Variants in TTC21A observed in about 807,000 individuals in gnomAD.
TTC21A encodes tetratricopeptide repeat protein 21A.
Under a neutral mutation model 156.4 loss-of-function variants are expected in TTC21A, and 128 were observed. The ratio of observed to expected loss-of-function variants is 0.82; its 90% CI spans 0.71 to 0.95. The LOEUF is 0.95. Ranked by LOEUF, TTC21A falls within the 40% of genes least tolerant of loss-of-function variation. The pLI is 0.00. For missense variants in TTC21A, 1,435 were observed against 1,602.3 expected, an observed-to-expected ratio of 0.90 and a Z score of 1.78; for synonymous variants, 587 against 617.1, an observed-to-expected ratio of 0.95 and a Z score of 0.72.
intron 2 of TTC21A, 23 bp downstream of exon 2, chr3:39,109,237 C>CAG: frequency 6.2e-7 from 1 of 1,602,604 alleles, no homozygotes; most frequent in Non-Finnish European, 8.5e-7. Flanking sequence ...CAGTGTTGGT[C>CAG]TTGTGACCCC....
At chr3:39,114,310 T>C (rs573369352) in intron 5 of TTC21A, among the ~76,000 whole-genome samples, 1 of 152,308 alleles carries the variant, frequency 6.6e-6, no homozygotes, top group Admixed American at 6.5e-5. Flanking sequence ...CCTTACCCTA[T>C]CCCAGGCCTG....
Position 39,129,081 on chromosome 3 carries a change from AC to A in TTC21A, c.1908del (p.Lys637ArgfsTer28), listed in dbSNP as rs1559702319. The stretch of plus-strand genomic sequence containing the variant: ...GATTCCCATGTTTTAGCATGAGGCC[AC>A]CAAGGTCATGCAGGACACCATCAAT... ...LRLNGELHEA[T>X]KVMQDTINEF... is the part of the protein sequence containing the mutation. On this transcript the variant is annotated frameshift_variant, in exon 15 of 29. Coordinates refer to ENST00000683103, the MANE Select transcript of TTC21A (RefSeq NM_001366900.1). LOFTEE classifies it high-confidence loss of function. 4.3e-6 allele frequency: 7 copies of A among 1,614,202 alleles called. No individual in the cohort carries two copies. The South Asian group carries it at 7.7e-5, about 18-fold the overall frequency.
intron 6 of TTC21A, among the ~76,000 whole-genome samples, chr3:39,117,533 C>T (rs566496829): frequency 6.6e-6 from 1 of 152,332 alleles, no homozygotes; most frequent in African/African-American, 2.4e-5. Context: ...TTCTGGCCAC[C>T]TCCAGTCTCT....
rs1188685191 is a variant in TTC21A, at chr3:39,130,301, C to T, written c.2262C>T (p.Asp754=). ...YDEAYRQNPH[D]ASLASRIGHA... ...AGGCCTATAGACAGAACCCACATGA[C>T]GCCTCCCTGGCCAGCAGAATTGGGC... Residue 754 remains aspartate (D), a synonymous_variant, in exon 17 of 29, where the codon GAC becomes GAT. Coordinates refer to ENST00000683103, the MANE Select transcript of TTC21A (RefSeq NM_001366900.1). This position sits in a 1 kb window ranked among gnomAD's most constrained non-coding sequence, Gnocchi z 4.5. The T allele has an allele frequency of 6.2e-6, 10 of 1,613,948 alleles. No individual in the cohort carries two copies. Among genetic ancestry groups the T allele is most frequent in the Middle Eastern group, 3.3e-4 (2 of 6,060 alleles).
At chr3:39,121,227 G>A (rs368270092) in intron 9 of TTC21A, 38 bp downstream of exon 9, 24 of 1,575,084 alleles carry the variant, frequency 1.5e-5, no homozygotes, top group African/African-American at 5.4e-5. Context: ...GATGGGTGTC[G>A]GGAGCCAAAC....
intron 4 of TTC21A, among the ~76,000 whole-genome samples, chr3:39,112,178 C>T (rs2036890493): frequency 6.6e-6 from 1 of 152,204 alleles, no homozygotes. Flanking sequence ...GGAGGGAGGC[C>T]TCCTAAGCAG....
In TTC21A at chr3:39,134,211, G is replaced by A; in HGVS notation, c.2752-7G>A. The A allele has an allele frequency of 6.2e-7, 1 of 1,604,176 alleles. No homozygotes were observed. Among genetic ancestry groups the A allele is most frequent in the Non-Finnish European group, 8.5e-7 (1 of 1,171,066 alleles). On this transcript the variant is annotated splice_region_variant and splice_polypyrimidine_tract_variant and intron_variant, in intron 20 of 28. Coordinates refer to ENST00000683103, the MANE Select transcript of TTC21A (RefSeq NM_001366900.1). The surrounding 1 kb of genome is among the most constrained non-coding windows in gnomAD (Gnocchi z 4.6). ...TAGTTAGTTTATTATATCCGGCCTT[G>A]TCCCAGGTGATGCTGGAGCTGGCGC...
At position 39,134,141 on chromosome 3, in the gene TTC21A, A is replaced by G. The variant is rs953599802; in HGVS notation, c.2752-77A>G. 8 of 889,330 alleles carry G rather than the reference A, an allele frequency of 9.0e-6. No homozygotes were observed. The East Asian group carries it at 1.9e-4, about 22-fold the overall frequency. The allele number at this position is 889,330 out of a possible 1,614,324, so 55.1% of individuals were successfully genotyped here. A position where few individuals can be genotyped will look rare whatever the true frequency, so the allele number is the denominator to read the frequency against. On this transcript the variant is annotated intron_variant, in intron 20 of 28. Coordinates refer to ENST00000683103, the MANE Select transcript of TTC21A (RefSeq NM_001366900.1). This position sits in a 1 kb window ranked among gnomAD's most constrained non-coding sequence, Gnocchi z 4.6. The stretch of plus-strand genomic sequence containing the variant: ...AGCTGATAGAAGTGGGGTGTGAGGG[A>G]AAGAGCTGTCAAGGATAACCCCAGG...
intron 5 of TTC21A, 102 bp downstream of exon 5, chr3:39,112,682 G>A: frequency 6.6e-7 from 1 of 1,504,608 alleles, no homozygotes; most frequent in Admixed American, 2.2e-5. Flanking sequence ...GTCTCCAGAT[G>A]CCTCATCTCG....
rs180993950 is a variant in TTC21A at position 39,133,284 on chromosome 3, A to G, written c.2751+44A>G. 3.1e-6 allele frequency: 5 copies of G among 1,588,146 alleles called. No homozygotes were observed. The South Asian group carries it at 4.5e-5, about 14-fold the overall frequency. On this transcript the variant is annotated intron_variant, in intron 20 of 28. Transcript: ENST00000683103. Reference sequence around the variant, plus strand: ...AAGAGGCTGCTTTCTCCCTCAGGGCACAATGACTTGCTGAGCTCACTGACC... The same window carrying G: ...AAGAGGCTGCTTTCTCCCTCAGGGCGCAATGACTTGCTGAGCTCACTGACC...
rs1185884602 is a variant in TTC21A at position 39,136,503 on chromosome 3, T to C, written c.3091T>C (p.Cys1031Arg). ...PGFNYCRGIY[C>R]WHIGQPNEAL... is the part of the protein sequence containing the mutation. Reference sequence around the variant, plus strand: ...GTTCAATTACTGCAGAGGTATCTACTGCTGGTGAGTTGGGTGTGGTGTGTT... The same window carrying C: ...GTTCAATTACTGCAGAGGTATCTACCGCTGGTGAGTTGGGTGTGGTGTGTT... Residue 1031 changes from cysteine (C) to arginine (R), a missense_variant, in exon 23 of 29, where the codon TGC becomes CGC. Transcript: ENST00000683103. 6.2e-7 allele frequency: 1 copy of C among 1,614,000 alleles called. No individual in the cohort carries two copies. Among genetic ancestry groups the C allele is most frequent in the Non-Finnish European group, 8.5e-7 (1 of 1,179,894 alleles).
intron 9 of TTC21A, among the ~76,000 whole-genome samples, chr3:39,121,625 A>G (rs1456537875): frequency 6.6e-6 from 1 of 152,220 alleles, no homozygotes; most frequent in Non-Finnish European, 1.5e-5. Flanking sequence ...AGCTCTGAGA[A>G]TTATATATTT....
Position 39,138,688 on chromosome 3 carries a change from C to T in TTC21A, c.3865-23C>T, listed in dbSNP as rs373555745. 5.2e-4 allele frequency: 837 copies of T among 1,613,746 alleles called. 1 individual carries two copies. The highest frequency in any genetic ancestry group is 8.6e-4 in the South Asian group (78 of 91,084). ...GTGGGGAAACCTGCATGATACTGCACACCCATTCTCTCTCTGTTCCAGGTC... is the reference window on the plus strand; with the variant it reads ...GTGGGGAAACCTGCATGATACTGCATACCCATTCTCTCTCTGTTCCAGGTC... On this transcript the variant is annotated intron_variant, in intron 28 of 28. Coordinates refer to ENST00000683103, the MANE Select transcript of TTC21A (RefSeq NM_001366900.1).
chr3:39,123,020 C>T (rs1287054286), intron 9 of TTC21A, among the ~76,000 whole-genome samples: 4 of 152,076 alleles, frequency 2.6e-5, no homozygotes, highest in Admixed American at 1.3e-4. Flanking sequence ...AAAGGTTGGC[C>T]GAGTGGAACA....
Position 39,119,794 on chromosome 3 carries a change from G to A in TTC21A, c.802-128G>A, listed in dbSNP as rs745596913. ...TTCACTTAAATCTGAATTTCTGGGG[G>A]GTTGTGCCTGGGCATGGGCATTTTT... On this transcript the variant is annotated intron_variant, in intron 7 of 28. Transcript: ENST00000683103. 6 of 674,334 alleles carry A rather than the reference G, an allele frequency of 8.9e-6. No individual in the cohort carries two copies. The African/African-American group carries it at 9.4e-5, about 11-fold the overall frequency. 41.8% of individuals were successfully genotyped at this position (674,334 alleles called of 1,614,324 possible). A position where few individuals can be genotyped will look rare whatever the true frequency, so the allele number is the denominator to read the frequency against.
At chr3:39,133,758 T>C (rs906557629) in intron 20 of TTC21A, among the ~76,000 whole-genome samples, 1 of 152,244 alleles carries the variant, frequency 6.6e-6, no homozygotes, top group African/African-American at 2.4e-5. Flanking sequence ...TCATCTAATA[T>C]GTGCCAAGTA....
Position 39,134,861 on chromosome 3 carries a change from A to C in TTC21A, c.2863-232A>C, listed in dbSNP as rs143725625. 1.7e-6 allele frequency: 1 copy of C among 590,708 alleles called. No homozygotes were observed. Among genetic ancestry groups the C allele is most frequent in the African/African-American group, 1.9e-5 (1 of 53,314 alleles). 36.6% of individuals were successfully genotyped at this position (590,708 alleles called of 1,614,324 possible). ...TCTTACCTTCCCATGTACATCCTCAACCCAACTCTTCTTGCCCCTCACCTT... is the reference window on the plus strand; with the variant it reads ...TCTTACCTTCCCATGTACATCCTCACCCCAACTCTTCTTGCCCCTCACCTT... On this transcript the variant is annotated intron_variant, in intron 21 of 28. Coordinates refer to ENST00000683103, the MANE Select transcript of TTC21A (RefSeq NM_001366900.1). The surrounding 1 kb of genome is among the most constrained non-coding windows in gnomAD (Gnocchi z 4.6).
Position 39,110,045 on chromosome 3 carries a change from C to T in TTC21A, c.174C>T (p.Ala58=), listed in dbSNP as rs866083678. The change falls in exon 3 of 29, where the codon GCC becomes GCT. Residue 58 remains alanine, a synonymous_variant. Coordinates refer to ENST00000683103, the MANE Select transcript of TTC21A (RefSeq NM_001366900.1). Reference sequence around the variant, plus strand: ...TCTTTGCAGAGCACATCCAGGATGCCATCAGTGACCTGGAAAGCATCAGGC... The same window carrying T: ...TCTTTGCAGAGCACATCCAGGATGCTATCAGTGACCTGGAAAGCATCAGGC... ...GVLKEEHIQD[A]ISDLESIRHH... is the part of the protein sequence containing the mutation. 2 of 1,613,748 alleles carry T rather than the reference C, an allele frequency of 1.2e-6. No individual in the cohort carries two copies. Among genetic ancestry groups the T allele is most frequent in the South Asian group, 2.2e-5 (2 of 91,068 alleles).
chr3:39,117,816 A>G (rs898423746), intron 6 of TTC21A, among the ~76,000 whole-genome samples: 1 of 152,152 alleles, frequency 6.6e-6, no homozygotes. Context: ...GTAGGGCACA[A>G]CTGGACAGCA....
Sources: gnomAD v4.1 joint callset for allele counts (sites outside exome capture counted in the v4.1 genomes callset) on GRCh38, gnomAD v4.1.1 for gene constraint, Gnocchi (gnomAD v3.1) non-coding constraint, MANE v1.5 for transcripts, NCBI Gene and HGNC (gene_info 2026-07-23, HGNC 2026-07-21) for gene names.